Variants in FYB1 observed in about 807,000 individuals in gnomAD.
The protein encoded by FYB1 is FYN-binding protein 1.
FYB1 carries 41 observed loss-of-function variants against 94.1 expected under a neutral mutation model. The ratio of observed to expected loss-of-function variants is 0.44; its 90% CI spans 0.34 to 0.57. The LOEUF (loss-of-function observed/expected upper bound fraction) is 0.57. Ranked by LOEUF, FYB1 falls within the 20% of genes least tolerant of loss-of-function variation. The pLI, the probability that FYB1 is intolerant of heterozygous loss-of-function variation, is 0.02. For synonymous variants in FYB1, 367 were observed against 353.2 expected (o/e 1.04, Z -0.44); for missense variants, 1,050 against 976.8 (o/e 1.07, Z -1.00).
At chr5:39,224,624 G>A (rs1217022913) in intron 1 of FYB1, among the ~76,000 whole-genome samples, 2 of 152,186 alleles carry the variant, frequency 1.3e-5, no homozygotes, top group Non-Finnish European at 2.9e-5. Flanking sequence ...ATTAGGATGA[G>A]AATGGACTGT....
At chr5:39,186,249 C>A (rs11741852) in intron 2 of FYB1, among the ~76,000 whole-genome samples, 1 of 152,122 alleles carries the variant, frequency 6.6e-6, no homozygotes, top group Non-Finnish European at 1.5e-5. Flanking sequence ...CATGGTGAAA[C>A]CCCGTCTCTA....
chr5:39,268,613 C>T (rs1481019333), intron 1 of FYB1, among the ~76,000 whole-genome samples: 2 of 152,002 alleles, frequency 1.3e-5, no homozygotes, highest in African/African-American at 4.8e-5. Context: ...GTTGCCCAGG[C>T]TGGAGTGCAA....
intron 1 of FYB1, among the ~76,000 whole-genome samples, chr5:39,232,181 C>T (rs1308925049): frequency 6.6e-6 from 1 of 152,124 alleles, no homozygotes; most frequent in Non-Finnish European, 1.5e-5. Flanking sequence ...CACATGCACA[C>T]ACACGCATAC....
At chr5:39,170,270 C>G in intron 2 of FYB1, 1 of 1,321,920 alleles carries the variant, frequency 7.6e-7, no homozygotes. Context: ...GCTGTTGCAG[C>G]CCCTTGATCA....
chr5:39,142,348 A>G (rs1054494593), intron 3 of FYB1, among the ~76,000 whole-genome samples: 2 of 152,192 alleles, frequency 1.3e-5, no homozygotes, highest in Non-Finnish European at 2.9e-5. Flanking sequence ...AGCAGTCATT[A>G]GGTGTGAGCT....
chr5:39,267,416 T>C (rs1196598926), intron 1 of FYB1, among the ~76,000 whole-genome samples: 1 of 151,868 alleles, frequency 6.6e-6, no homozygotes, highest in Non-Finnish European at 1.5e-5. Flanking sequence ...GTCATCACCA[T>C]CATTGGATGA....
chr5:39,265,554 G>A (rs1032832638), intron 1 of FYB1, among the ~76,000 whole-genome samples: 3 of 151,940 alleles, frequency 2.0e-5, no homozygotes, highest in Admixed American at 2.0e-4. Context: ...CTACTTAGGA[G>A]GCTGAGGCAG....
chr5:39,137,553 G>A (rs768943092), intron 7 of FYB1, 47 bp downstream of exon 7: 4 of 1,518,628 alleles, frequency 2.6e-6, no homozygotes, highest in Non-Finnish European at 3.5e-6. Flanking sequence ...TGTGTGAAAG[G>A]TATAAAAAGA....
intron 1 of FYB1, among the ~76,000 whole-genome samples, chr5:39,211,787 A>T (rs974977442): frequency 6.6e-6 from 1 of 152,204 alleles, no homozygotes; most frequent in Non-Finnish European, 1.5e-5. Context: ...CCCAACAAAC[A>T]CGAAAACATA....
At chr5:39,220,469 G>A (rs1425786798), upstream of FYB1, among the ~76,000 whole-genome samples, 3 of 147,516 alleles carry the variant, frequency 2.0e-5, no homozygotes, top group Non-Finnish European at 1.5e-5. Context: ...AGGAAAGAAA[G>A]AAAGAAACTC....
chr5:39,126,486 A>G (rs891030771), intron 11 of FYB1, among the ~76,000 whole-genome samples: 1 of 151,992 alleles, frequency 6.6e-6, no homozygotes, highest in Non-Finnish European at 1.5e-5. Context: ...GCTTAAGCCC[A>G]GGAGTTTGAG....
chr5:39,153,688 A>G, intron 2 of FYB1, 84 bp from the exon 3 acceptor site: 5 of 1,381,380 alleles, frequency 3.6e-6, no homozygotes, highest in Non-Finnish European at 4.9e-6. Context: ...TTGGCTACAG[A>G]TAAAATAATT....
chr5:39,135,335 A>G (rs1006215366), intron 7 of FYB1, among the ~76,000 whole-genome samples: 2 of 152,222 alleles, frequency 1.3e-5, no homozygotes, highest in African/African-American at 2.4e-5. Flanking sequence ...ATGTACAACA[A>G]TCCATGCTGT....
chr5:39,134,018 A>G (rs1192966746), intron 9 of FYB1, among the ~76,000 whole-genome samples, 190 bp downstream of exon 9: 6 of 152,250 alleles, frequency 3.9e-5, no homozygotes, highest in Non-Finnish European at 8.8e-5. Context: ...TATTTGATGC[A>G]TATAATCAAA....
At chr5:39,128,735 T>C (rs1740908113) in intron 10 of FYB1, among the ~76,000 whole-genome samples, 1 of 152,142 alleles carries the variant, frequency 6.6e-6, no homozygotes, top group African/African-American at 2.4e-5. Context: ...CAAGCTAGTG[T>C]TCTTTCCATC....
At chr5:39,197,261 T>C (rs1369789574) in intron 2 of FYB1, among the ~76,000 whole-genome samples, 1 of 152,174 alleles carries the variant, frequency 6.6e-6, no homozygotes, top group Non-Finnish European at 1.5e-5. Flanking sequence ...TGAATAAATA[T>C]TTAGTAATAG....
chr5:39,235,311 A>T (rs1203453804), intron 1 of FYB1, among the ~76,000 whole-genome samples: 1 of 151,810 alleles, frequency 6.6e-6, no homozygotes, highest in Non-Finnish European at 1.5e-5. Flanking sequence ...CAGGATCTTA[A>T]AAATGTTTTT....
Position 39,148,153 on chromosome 5 carries a change from TTTTATATATATA to T in FYB1, c.1292+5283_1292+5294del, listed in dbSNP as rs1277487815. On this transcript the variant is annotated intron_variant, in intron 3 of 18. Transcript: ENST00000512982. Reference sequence around the variant, plus strand: ...TCATTATATGTATATTATATGTATTTTTTATATATATATATATATATATATATATATATATAT... The same window carrying T: ...TCATTATATGTATATTATATGTATTTTATATATATATATATATATATATAT... Among the ~76,000 whole-genome samples the T allele has an allele frequency of 4.5e-3, 355 of 79,454 alleles. 28 individuals carry two copies. Among genetic ancestry groups the T allele is most frequent in the Middle Eastern group, 0.029 (4 of 138 alleles). The allele number at this position is 79,454 out of a possible 152,430, so 52.1% of individuals were successfully genotyped here.
intron 2 of FYB1, among the ~76,000 whole-genome samples, chr5:39,154,235 A>T (rs1743542170): frequency 6.6e-6 from 1 of 152,192 alleles, no homozygotes; most frequent in Admixed American, 6.5e-5. Flanking sequence ...TCTGCTAAAT[A>T]GTGACTAGAA....
Sources: allele counts gnomAD v4.1 joint callset (sites outside exome capture counted in the v4.1 genomes callset), GRCh38; gene constraint gnomAD v4.1.1; transcripts MANE v1.5; gene names NCBI Gene and HGNC (gene_info 2026-07-23, HGNC 2026-07-21).